Variants in DHRSX observed in about 807,000 individuals in gnomAD.
DHRSX encodes polyprenol dehydrogenase.
DHRSX carries 31 observed loss-of-function variants against 34.0 expected under a neutral mutation model. That is an observed-to-expected ratio of 0.91 (90% CI 0.69 to 1.23). The LOEUF (loss-of-function observed/expected upper bound fraction) is 1.23, where lower values mean the gene tolerates loss of function less well. Among genes scored for constraint, DHRSX ranks in the 50% most tolerant of loss-of-function variants. The probability of loss-of-function intolerance (pLI) is 0.00; values close to 1 mark genes in which losing one functional copy is unlikely to be tolerated. For missense variants in DHRSX, 414 were observed against 428.1 expected, an observed-to-expected ratio of 0.97 and a Z score of 0.29; for synonymous variants, 201 against 183.8, an observed-to-expected ratio of 1.09 and a Z score of -0.76.
rs550351885 is a variant in DHRSX at position 2,342,030 on chromosome X, C to A, written c.287-50427G>T. Among the ~76,000 whole-genome samples the A allele has an allele frequency of 6.3e-3, 951 of 152,146 alleles. 7 individuals are homozygous for A. Among genetic ancestry groups the A allele is most frequent in the Non-Finnish European group, 1.0e-2 (680 of 68,016 alleles). On this transcript the variant is annotated intron_variant, in intron 3 of 6. Transcript: ENST00000334651. ...CATGTTGGCCAGGCTGGTTTCAAACCCCTGACCTCAGGTGATCTGTCCGCC... is the reference window on the plus strand; with the variant it reads ...CATGTTGGCCAGGCTGGTTTCAAACACCTGACCTCAGGTGATCTGTCCGCC...
At chrX:2,492,105 T>C (rs2045165402) in intron 1 of DHRSX, among the ~76,000 whole-genome samples, 1 of 152,190 alleles carries the variant, frequency 6.6e-6, no homozygotes, top group Non-Finnish European at 1.5e-5. Context: ...CAATGATGAC[T>C]ATAGTGGGTT....
chrX:2,499,871 C>T (rs1434876431), intron 1 of DHRSX, among the ~76,000 whole-genome samples: 1 of 151,454 alleles, frequency 6.6e-6, no homozygotes, highest in Non-Finnish European at 1.5e-5. Flanking sequence ...ATAGCAAGAC[C>T]CCGTCTACAA....
intron 6 of DHRSX, among the ~76,000 whole-genome samples, chrX:2,229,811 GTA>G (rs1483362015): frequency 6.6e-6 from 1 of 151,992 alleles, no homozygotes; most frequent in African/African-American, 2.4e-5. Context: ...TTGCACATGT[GTA>G]TATGTATGCA....
At chrX:2,457,684 A>C (rs1351596848) in intron 1 of DHRSX, among the ~76,000 whole-genome samples, 4 of 150,684 alleles carry the variant, frequency 2.7e-5, no homozygotes, top group Admixed American at 1.3e-4. Flanking sequence ...GCATGTGGTT[A>C]AAGGACTGCC....
intron 1 of DHRSX, among the ~76,000 whole-genome samples, chrX:2,495,692 C>T (rs2045266859): frequency 6.6e-6 from 1 of 152,088 alleles, no homozygotes; most frequent in Non-Finnish European, 1.5e-5. Flanking sequence ...TCCGAGCACA[C>T]AAGGCCACGA....
intron 3 of DHRSX, among the ~76,000 whole-genome samples, chrX:2,367,483 T>C (rs2043008496): frequency 6.6e-6 from 1 of 151,268 alleles, no homozygotes; most frequent in African/African-American, 2.4e-5. Flanking sequence ...TGCTACATTC[T>C]CAGAAAATTA....
intron 3 of DHRSX, among the ~76,000 whole-genome samples, chrX:2,312,895 G>C (rs1354183086): frequency 6.6e-6 from 1 of 151,996 alleles, no homozygotes; most frequent in African/African-American, 2.4e-5. Flanking sequence ...ACTGCTGACC[G>C]CAAGTCTTAG....
At chrX:2,357,046 C>G (rs1602998022) in intron 3 of DHRSX, among the ~76,000 whole-genome samples, 1 of 152,056 alleles carries the variant, frequency 6.6e-6, no homozygotes, top group Non-Finnish European at 1.5e-5. Flanking sequence ...AAGTTCAAGA[C>G]CAGCCTGACC....
At chrX:2,232,112 C>T (rs777657929) in intron 6 of DHRSX, among the ~76,000 whole-genome samples, 1 of 151,138 alleles carries the variant, frequency 6.6e-6, no homozygotes, top group African/African-American at 2.4e-5. Context: ...TTCTCTCTCT[C>T]CCTTCCCTTC....
intron 5 of DHRSX, among the ~76,000 whole-genome samples, chrX:2,266,315 A>G (rs1225253596): frequency 7.2e-6 from 1 of 139,160 alleles, no homozygotes. Flanking sequence ...CCAGAGCACC[A>G]ATGCTCGGCA....
intron 2 of DHRSX, among the ~76,000 whole-genome samples, chrX:2,410,860 C>T (rs1471638529): frequency 6.6e-6 from 1 of 152,132 alleles, no homozygotes; most frequent in Non-Finnish European, 1.5e-5. Context: ...ATTGTCACTT[C>T]CTTGAAGGAA....
chrX:2,376,836 A>G (rs1316095477), intron 3 of DHRSX, among the ~76,000 whole-genome samples: 2 of 152,164 alleles, frequency 1.3e-5, no homozygotes, highest in Admixed American at 6.5e-5. Context: ...TCTACTAAAA[A>G]TACAAAAATT....
At chrX:2,293,478 T>C (rs1183876530) in intron 3 of DHRSX, among the ~76,000 whole-genome samples, 2 of 151,972 alleles carry the variant, frequency 1.3e-5, no homozygotes, top group African/African-American at 4.8e-5. Context: ...TTCCCTTACA[T>C]TGAGATGGGA....
At chrX:2,234,737 G>A (rs1325863509) in intron 6 of DHRSX, among the ~76,000 whole-genome samples, 1 of 152,188 alleles carries the variant, frequency 6.6e-6, no homozygotes, top group Non-Finnish European at 1.5e-5. Context: ...TTGAGACGGA[G>A]TCTCACTCTG....
At position 2,331,299 on chromosome X, in the gene DHRSX, C is replaced by G. The variant is rs2042468813; in HGVS notation, c.287-39696G>C. 2.0e-5 allele frequency among the ~76,000 whole-genome samples: 3 copies of G among 152,116 alleles called. No individual in the cohort carries two copies. The South Asian group carries it at 6.2e-4, about 32-fold the overall frequency. On this transcript the variant is annotated intron_variant, in intron 3 of 6. Coordinates refer to ENST00000334651, the MANE Select transcript of DHRSX (RefSeq NM_145177.3). ...ACTTCCTCCACTGAAGTCTTGAACC[C>G]CCTCAATGTCATTCATGAATATTGG... is the stretch of plus-strand genomic sequence containing the variant.
chrX:2,260,225 T>C (rs1365396632), intron 5 of DHRSX, among the ~76,000 whole-genome samples: 2 of 151,868 alleles, frequency 1.3e-5, no homozygotes, highest in Non-Finnish European at 2.9e-5. Flanking sequence ...TAGAGTGGGG[T>C]CGGAATAGTT....
intron 6 of DHRSX, among the ~76,000 whole-genome samples, chrX:2,240,979 T>A (rs1480988426): frequency 5.3e-5 from 8 of 151,898 alleles, no homozygotes; most frequent in South Asian, 2.1e-4. Flanking sequence ...AGGTCAGGAG[T>A]TCGAGACCAG....
intron 5 of DHRSX, among the ~76,000 whole-genome samples, chrX:2,265,915 A>AGTGCTCGGCAGATGCAGGGAGCACT (rs2041457127): frequency 7.2e-6 from 1 of 138,324 alleles, no homozygotes; most frequent in African/African-American, 2.8e-5. Context: ...CCAGAGCACC[A>AGTGCTCGGCAGATGCAGGGAGCACT]GTGCTCGGCA....
chrX:2,365,469 T>G (rs1186385673), intron 3 of DHRSX, among the ~76,000 whole-genome samples: 1 of 152,130 alleles, frequency 6.6e-6, no homozygotes, highest in African/African-American at 2.4e-5. Flanking sequence ...GCCACTTTGC[T>G]TTGACCTTTA....
Sources: allele counts gnomAD v4.1 joint callset (sites outside exome capture counted in the v4.1 genomes callset), GRCh38; gene constraint gnomAD v4.1.1; transcripts MANE v1.5; gene names NCBI Gene and HGNC (gene_info 2026-07-23, HGNC 2026-07-21).